WWOX: variants seen among roughly 807,000 people sequenced by gnomAD.
The protein encoded by WWOX is WW domain-containing oxidoreductase.
Under a neutral mutation model 46.2 loss-of-function variants are expected in WWOX, and 69 were observed. The observed-to-expected ratio is 1.49, with a 90% CI of 1.23 to 1.82. The LOEUF is 1.82. Ranked by LOEUF, WWOX falls within the 40% of genes most tolerant of loss-of-function variation. The pLI, the probability that WWOX is intolerant of heterozygous loss-of-function variation, is 0.00. For synonymous variants in WWOX, 359 were observed against 202.6 expected (o/e 1.77, Z -6.56); for missense variants, 919 against 542.6 (o/e 1.69, Z -6.89).
chr16:78,403,265 A>G (rs2082454720), intron 6 of WWOX, among the ~76,000 whole-genome samples: 1 of 152,074 alleles, frequency 6.6e-6, no homozygotes, highest in South Asian at 2.1e-4. Context: ...ATTAAAGCCC[A>G]CTCCCTGCAT....
intron 4 of WWOX, among the ~76,000 whole-genome samples, chr16:78,136,670 A>C (rs1377317685): frequency 1.3e-5 from 2 of 152,234 alleles, no homozygotes; most frequent in African/African-American, 4.8e-5. Context: ...GTTAACCTGT[A>C]AAGAGATGTT....
chr16:78,392,200 C>G (rs1054602389), intron 6 of WWOX, among the ~76,000 whole-genome samples: 1 of 152,020 alleles, frequency 6.6e-6, no homozygotes, highest in Non-Finnish European at 1.5e-5. Flanking sequence ...CTCTGTCACT[C>G]TCATTAGTGC....
chr16:78,734,105 T>C (rs2049029035), intron 8 of WWOX, among the ~76,000 whole-genome samples: 1 of 151,938 alleles, frequency 6.6e-6, no homozygotes, highest in Non-Finnish European at 1.5e-5. Flanking sequence ...CATCCGTCCA[T>C]CTATTCATAC....
At chr16:79,183,402 C>T (rs1431686479) in intron 8 of WWOX, among the ~76,000 whole-genome samples, 5 of 152,152 alleles carry the variant, frequency 3.3e-5, no homozygotes, top group Admixed American at 1.3e-4. Context: ...GAAATGCTAG[C>T]GCAGATGACG....
At chr16:79,169,037 A>G (rs1167684873) in intron 8 of WWOX, among the ~76,000 whole-genome samples, 3 of 152,236 alleles carry the variant, frequency 2.0e-5, no homozygotes, top group African/African-American at 7.2e-5. Flanking sequence ...TGGAGAATCT[A>G]TTAGATACAA....
chr16:78,545,330 C>T (rs1780388043), intron 8 of WWOX, among the ~76,000 whole-genome samples: 1 of 152,112 alleles, frequency 6.6e-6, no homozygotes, highest in Non-Finnish European at 1.5e-5. Flanking sequence ...GCGATTGTGG[C>T]CTGCTCCTCG....
At chr16:79,207,085 GAGACAGGGAA>G (rs897122207) in intron 8 of WWOX, among the ~76,000 whole-genome samples, 23 of 152,306 alleles carry the variant, frequency 1.5e-4, no homozygotes, top group Non-Finnish European at 1.5e-4. Flanking sequence ...GTGTTACTGG[GAGACAGGGAA>G]AGACAGGGCG....
chr16:78,442,893 C>T (rs1393463783), intron 8 of WWOX, among the ~76,000 whole-genome samples: 2 of 151,912 alleles, frequency 1.3e-5, no homozygotes, highest in Admixed American at 6.6e-5. Context: ...GAGGCCGAGC[C>T]GGGCGAATCA....
At chr16:78,349,942 T>C (rs557867917) in intron 5 of WWOX, among the ~76,000 whole-genome samples, 1 of 121,164 alleles carries the variant, frequency 8.3e-6, no homozygotes, top group South Asian at 2.5e-4. Context: ...TGTTCTCTCT[T>C]CTATGAATTA....
chr16:78,762,595 G>A (rs2049821812), intron 8 of WWOX, among the ~76,000 whole-genome samples: 2 of 152,340 alleles, frequency 1.3e-5, no homozygotes, highest in East Asian at 1.9e-4. Context: ...CTAACAGTGG[G>A]CACAGGGGGC....
At chr16:78,362,206 G>T (rs2081423955) in intron 5 of WWOX, among the ~76,000 whole-genome samples, 1 of 152,020 alleles carries the variant, frequency 6.6e-6, no homozygotes, top group Non-Finnish European at 1.5e-5. Flanking sequence ...GAATTGTACT[G>T]AACTCGTGGG....
At chr16:79,025,134 G>C (rs1437797616) in intron 8 of WWOX, among the ~76,000 whole-genome samples, 2 of 152,156 alleles carry the variant, frequency 1.3e-5, no homozygotes, top group African/African-American at 2.4e-5. Flanking sequence ...GTTTTGTTTT[G>C]TTTTGTTTTG....
chr16:78,923,320 T>G (rs2045422857), intron 8 of WWOX, among the ~76,000 whole-genome samples: 1 of 152,148 alleles, frequency 6.6e-6, no homozygotes, highest in Non-Finnish European at 1.5e-5. Context: ...TTGCCCACCA[T>G]GGCTTAATTT....
chr16:79,060,186 G>T (rs1273811324), intron 8 of WWOX, among the ~76,000 whole-genome samples: 2 of 152,136 alleles, frequency 1.3e-5, no homozygotes, highest in Non-Finnish European at 2.9e-5. Context: ...AACCCACCAA[G>T]CCTCATTTTT....
intron 5 of WWOX, among the ~76,000 whole-genome samples, chr16:78,356,788 A>T (rs1444332163): frequency 6.6e-6 from 1 of 152,144 alleles, no homozygotes; most frequent in Non-Finnish European, 1.5e-5. Flanking sequence ...AGGCTGAGGC[A>T]GGAGAATTTC....
intron 8 of WWOX, among the ~76,000 whole-genome samples, chr16:78,865,239 A>G (rs547956940): frequency 1.3e-5 from 2 of 152,036 alleles, no homozygotes; most frequent in African/African-American, 4.8e-5. Context: ...TTTTTCCTTG[A>G]CTTACTCTCT....
chr16:78,339,753 T>C lies in WWOX; in HGVS notation c.517-47107T>C, dbSNP rs1287572033. On this transcript the variant is annotated intron_variant, in intron 5 of 8. Coordinates refer to ENST00000566780, the MANE Select transcript of WWOX (RefSeq NM_016373.4). Reference sequence around the variant, plus strand: ...AGAGTTTTAAATTCTATTTTGTGGCTTTCTGTGTTGTTCTCGGGAAGTACA... The same window carrying C: ...AGAGTTTTAAATTCTATTTTGTGGCCTTCTGTGTTGTTCTCGGGAAGTACA... Among the ~76,000 whole-genome samples, 2 of 118,060 alleles carry C rather than the reference T, an allele frequency of 1.7e-5. 1 individual carries two copies. The highest frequency in any genetic ancestry group is 4.0e-5 in the Non-Finnish European group (2 of 49,782). The allele number at this position is 118,060 out of a possible 152,430, so 77.5% of individuals were successfully genotyped here.
chr16:79,178,188 C>G (rs1030234791), intron 8 of WWOX, among the ~76,000 whole-genome samples: 1 of 152,100 alleles, frequency 6.6e-6, no homozygotes. Flanking sequence ...TATCATAGTG[C>G]AAAACAACCA....
At chr16:78,337,359 T>C (rs1274151041) in intron 5 of WWOX, among the ~76,000 whole-genome samples, 1 of 152,192 alleles carries the variant, frequency 6.6e-6, no homozygotes, top group African/African-American at 2.4e-5. Context: ...CCGATCGCAA[T>C]TGAGCATATA....
Sources: allele counts gnomAD v4.1 joint callset (sites outside exome capture counted in the v4.1 genomes callset), GRCh38; gene constraint gnomAD v4.1.1; transcripts MANE v1.5; gene names NCBI Gene and HGNC (gene_info 2026-07-23, HGNC 2026-07-21).